Variants in ATRNL1 observed in about 807,000 individuals in gnomAD.
ATRNL1 encodes attractin-like protein 1.
In ATRNL1, 95 loss-of-function variants were observed where a neutral mutation model predicts 182.7. The observed-to-expected ratio is 0.52, with a 90% CI of 0.44 to 0.62. The LOEUF is 0.62. Among genes scored for constraint, ATRNL1 ranks in the 20% least tolerant of loss-of-function variants. The probability of loss-of-function intolerance (pLI) is 0.00; values close to 1 mark genes in which losing one functional copy is unlikely to be tolerated. For missense variants in ATRNL1, 1,471 were observed against 1,679.5 expected (o/e 0.88, Z 2.17); for synonymous variants, 576 against 568.3 (o/e 1.01, Z -0.19).
chr10:115,432,143 A>T (rs1405229725), intron 21 of ATRNL1, among the ~76,000 whole-genome samples: 6 of 152,096 alleles, frequency 3.9e-5, no homozygotes, highest in African/African-American at 1.4e-4. Flanking sequence ...CACATCTAAA[A>T]TTTTTTCATT....
At chr10:115,455,850 A>T (rs1181427764) in intron 21 of ATRNL1, among the ~76,000 whole-genome samples, 1 of 152,182 alleles carries the variant, frequency 6.6e-6, no homozygotes, top group African/African-American at 2.4e-5. Flanking sequence ...CTTCTCACAG[A>T]AGATGTTTCT....
At chr10:115,458,933 G>A (rs1321333501) in intron 21 of ATRNL1, among the ~76,000 whole-genome samples, 9 of 152,080 alleles carry the variant, frequency 5.9e-5, no homozygotes, top group African/African-American at 9.7e-5. Flanking sequence ...TGGAGGGACC[G>A]GCTGAAGCCA....
intron 13 of ATRNL1, among the ~76,000 whole-genome samples, chr10:115,272,986 T>TG (rs1554913733): frequency 6.6e-6 from 1 of 152,192 alleles, no homozygotes. Context: ...GGCAAATCTA[T>TG]AGCCAGAATA....
chr10:115,621,276 T>TAGAGAGAGAGAG (rs1157745862), intron 26 of ATRNL1, among the ~76,000 whole-genome samples: 94 of 47,568 alleles, frequency 2.0e-3, no homozygotes, highest in South Asian at 8.3e-3. Context: ...TATATATATA[T>TAGAGAGAGAGAG]AGAGAGAGAG....
At chr10:115,311,879 CTGT>C (rs1217573847) in intron 17 of ATRNL1, among the ~76,000 whole-genome samples, 5 of 149,682 alleles carry the variant, frequency 3.3e-5, no homozygotes, top group African/African-American at 1.2e-4. Flanking sequence ...TTTTTCTTTA[CTGT>C]TGTTCCTTTA....
At chr10:115,618,659 G>A (rs868912468) in intron 26 of ATRNL1, among the ~76,000 whole-genome samples, 15 of 151,742 alleles carry the variant, frequency 9.9e-5, no homozygotes, top group Middle Eastern at 3.4e-3. Flanking sequence ...TAAATTCTTC[G>A]TTTTCAAGAT....
intron 26 of ATRNL1, among the ~76,000 whole-genome samples, chr10:115,680,154 G>A (rs1555044242): frequency 6.6e-6 from 1 of 152,050 alleles, no homozygotes; most frequent in Admixed American, 6.6e-5. Context: ...ACCAATTTCT[G>A]GACTAGTCTA....
chr10:115,334,546 A>G (rs535350982), intron 19 of ATRNL1, 127 bp downstream of exon 19: 1 of 508,752 alleles, frequency 2.0e-6, no homozygotes, highest in Non-Finnish European at 3.2e-6. Context: ...TATGTTTTCT[A>G]AAGTAATACA....
intron 27 of ATRNL1, among the ~76,000 whole-genome samples, chr10:115,734,908 T>A (rs1947904087): frequency 6.6e-6 from 1 of 152,148 alleles, no homozygotes; most frequent in Non-Finnish European, 1.5e-5. Context: ...AGGCATAGTT[T>A]AAGTCAAAAA....
chr10:115,244,710 A>G (rs1363036531), intron 10 of ATRNL1, among the ~76,000 whole-genome samples: 2 of 152,292 alleles, frequency 1.3e-5, no homozygotes, highest in East Asian at 3.9e-4. Context: ...TAGTGCTGTT[A>G]TTATTACTTT....
At chr10:115,749,780 C>G (rs1363299546) in intron 27 of ATRNL1, among the ~76,000 whole-genome samples, 1 of 151,870 alleles carries the variant, frequency 6.6e-6, no homozygotes, top group African/African-American at 2.4e-5. Flanking sequence ...AACATCTTAT[C>G]TCTAACATAA....
At chr10:115,631,805 G>A (rs1858531156) in intron 26 of ATRNL1, among the ~76,000 whole-genome samples, 1 of 152,042 alleles carries the variant, frequency 6.6e-6, no homozygotes, top group South Asian at 2.1e-4. Flanking sequence ...CATTTTGAAA[G>A]GAAGAGAATG....
chr10:115,605,569 A>G (rs570568697), intron 26 of ATRNL1, among the ~76,000 whole-genome samples: 49 of 152,180 alleles, frequency 3.2e-4, no homozygotes, highest in African/African-American at 1.1e-3. Context: ...AATTAAATCT[A>G]TTTCAACTTA....
rs782220286 is a variant in ATRNL1, at chr10:115,944,703, C to T, written c.4064C>T (p.Ala1355Val). The change falls in exon 29 of 29, where the codon GCT (alanine) becomes GTT (valine). Residue 1355 changes from alanine to valine, a missense_variant. By Grantham distance (64) the Ala-to-Val change is moderately conservative. Transcript: ENST00000355044. The stretch of plus-strand genomic sequence containing the variant: ...CTAATAGATATTTCACAACAGAAAG[C>T]TTCAGATAGTAAAGATAAGACTTCT... ...SALIDISQQKASDSKDKTSGV... is the reference protein window; with the variant it reads ...SALIDISQQKVSDSKDKTSGV... 15 of 1,613,524 alleles carry T rather than the reference C, an allele frequency of 9.3e-6. No individual in the cohort carries two copies. Among genetic ancestry groups the T allele is most frequent in the Non-Finnish European group, 1.0e-5 (12 of 1,179,596 alleles).
chr10:115,544,121 T>C (rs1277153035), intron 25 of ATRNL1, among the ~76,000 whole-genome samples: 2 of 152,212 alleles, frequency 1.3e-5, no homozygotes, highest in Admixed American at 6.5e-5. Context: ...ATACTTATTT[T>C]TTCTGTGACA....
intron 27 of ATRNL1, among the ~76,000 whole-genome samples, chr10:115,815,726 G>A (rs1350555341): frequency 1.3e-5 from 2 of 152,082 alleles, no homozygotes; most frequent in Non-Finnish European, 1.5e-5. Context: ...GAATAGAAAT[G>A]TGTGCAAAGA....
chr10:115,531,095 C>T (rs1851553465), intron 25 of ATRNL1, among the ~76,000 whole-genome samples: 2 of 151,972 alleles, frequency 1.3e-5, no homozygotes, highest in Admixed American at 1.3e-4. Context: ...CATATGTGTG[C>T]ATGTGTCTTT....
chr10:115,264,461 A>G (rs1851522240), intron 10 of ATRNL1, among the ~76,000 whole-genome samples: 1 of 151,616 alleles, frequency 6.6e-6, no homozygotes, highest in Admixed American at 6.6e-5. Flanking sequence ...GACATTTCTA[A>G]GAAGTTGAAA....
chr10:115,127,418 A>G (rs1191049138), intron 3 of ATRNL1, among the ~76,000 whole-genome samples, 175 bp from the exon 4 acceptor site: 1 of 152,152 alleles, frequency 6.6e-6, no homozygotes, highest in Non-Finnish European at 1.5e-5. Context: ...GCAGTAGTAG[A>G]ACTAATTTAG....
Sources: gnomAD v4.1 joint callset for allele counts (sites outside exome capture counted in the v4.1 genomes callset) on GRCh38, gnomAD v4.1.1 for gene constraint, MANE v1.5 for transcripts, NCBI Gene and HGNC (gene_info 2026-07-23, HGNC 2026-07-21) for gene names.